The following RTN3 variants were observed in gnomAD, a reference collection of about 807,000 sequenced individuals.
RTN3 encodes the protein reticulon-3.
Under a neutral mutation model 77.8 loss-of-function variants are expected in RTN3, and 49 were observed. That is an observed-to-expected ratio of 0.63 (90% CI 0.50 to 0.80). The LOEUF is 0.80. Among genes scored for constraint, RTN3 ranks in the 30% least tolerant of loss-of-function variants. The pLI, the probability that RTN3 is intolerant of heterozygous loss-of-function variation, is 0.00. For missense variants in RTN3, 1,236 were observed against 1,211.9 expected (o/e 1.02, Z -0.29); for synonymous variants, 464 against 446.9 (o/e 1.04, Z -0.48).
At chr11:63,713,506 G>A (rs928788112) in intron 2 of RTN3, among the ~76,000 whole-genome samples, 8 of 151,892 alleles carry the variant, frequency 5.3e-5, no homozygotes, top group African/African-American at 1.9e-4. Context: ...AGATGGGGTC[G>A]CACTGTGTTG....
rs1247959032 is a variant in RTN3, at chr11:63,720,565, CT to C, written c.2064del (p.Pro689LeufsTer2). The C allele has an allele frequency of 6.2e-7, 1 of 1,614,056 alleles. No homozygotes were observed. The highest frequency in any genetic ancestry group is 8.5e-7 in the Non-Finnish European group (1 of 1,179,988). On this transcript the variant is annotated frameshift_variant, in exon 3 of 9. Transcript: ENST00000377819. LOFTEE classifies it high-confidence loss of function. ...SEKMTDFKTT[P>X]PVEVLHENES... is the part of the protein sequence containing the mutation. ...AAGATGACAGACTTTAAAACAACTCCTCCTGTAGAAGTCTTACATGAAAATG... is the reference window on the plus strand; with the variant it reads ...AAGATGACAGACTTTAAAACAACTCCCCTGTAGAAGTCTTACATGAAAATG...
intron 3 of RTN3, 28 bp downstream of exon 3, chr11:63,721,060 G>C (rs763697508): frequency 6.5e-7 from 1 of 1,540,238 alleles, no homozygotes; most frequent in East Asian, 2.3e-5. Flanking sequence ...AATACTGCAT[G>C]TGGTTAATTC....
At chr11:63,681,827 C>T in intron 1 of RTN3, 49 bp downstream of exon 1, 1 of 1,487,960 alleles carries the variant, frequency 6.7e-7, no homozygotes, top group Non-Finnish European at 8.9e-7. Flanking sequence ...CGAGCGGGAG[C>T]CTGGGGGCTG....
intron 3 of RTN3, among the ~76,000 whole-genome samples, chr11:63,724,727 G>A (rs549333765): frequency 1.3e-5 from 2 of 151,912 alleles, no homozygotes; most frequent in African/African-American, 2.4e-5. Flanking sequence ...TCCTGACCTC[G>A]TGATCCGCCC....
intron 2 of RTN3, among the ~76,000 whole-genome samples, chr11:63,718,298 C>G (rs182680017): frequency 7.9e-5 from 12 of 152,120 alleles, no homozygotes; most frequent in African/African-American, 2.9e-4. Context: ...TCTATCAACC[C>G]TTTATAGTAT....
At chr11:63,705,295 C>T (rs551218239) in intron 2 of RTN3, among the ~76,000 whole-genome samples, 88 of 152,272 alleles carry the variant, frequency 5.8e-4, no homozygotes, top group Middle Eastern at 3.4e-3. Flanking sequence ...TGAGACCAGT[C>T]TGGGCAACAT....
At chr11:63,724,558 C>T (rs2012094415) in intron 3 of RTN3, among the ~76,000 whole-genome samples, 1 of 136,036 alleles carries the variant, frequency 7.4e-6, no homozygotes, top group South Asian at 2.6e-4. Context: ...ATGGCACGAT[C>T]TCGGGTCACT....
chr11:63,694,218 C>T (rs1941812807), intron 1 of RTN3, among the ~76,000 whole-genome samples: 1 of 151,848 alleles, frequency 6.6e-6, no homozygotes, highest in Admixed American at 6.6e-5. Context: ...TTCTTGTTGC[C>T]CAGGCTGGAG....
At position 63,721,055 on chromosome 11, in the gene RTN3, T is replaced by C. The variant is rs200842531; in HGVS notation, c.2530+23T>C. On this transcript the variant is annotated intron_variant, in intron 3 of 8. Transcript: ENST00000377819. Reference sequence around the variant, plus strand: ...CAGGTAACCATTTATATTAGAATACTGCATGTGGTTAATTCTGTGATTGAT... The same window carrying C: ...CAGGTAACCATTTATATTAGAATACCGCATGTGGTTAATTCTGTGATTGAT... 7.8e-5 allele frequency: 120 copies of C among 1,545,696 alleles called. No homozygotes were observed. In the South Asian group the frequency reaches 1.4e-3, roughly 19 times the overall value.
intron 4 of RTN3, chr11:63,750,545 C>T (rs931181178): frequency 1.9e-5 from 4 of 214,494 alleles, no homozygotes; most frequent in Admixed American, 5.3e-5. Flanking sequence ...CTCTGCCTCC[C>T]AGGTGAAAGC....
At chr11:63,728,626 A>T (rs960247795) in intron 3 of RTN3, among the ~76,000 whole-genome samples, 1 of 152,196 alleles carries the variant, frequency 6.6e-6, no homozygotes, top group Non-Finnish European at 1.5e-5. Context: ...GCGGTGGCTC[A>T]CGCCTGTAAT....
rs149399289 is a variant in RTN3, at chr11:63,720,503, A to G, written c.2001A>G (p.Val667=). ...CAGAAACCAGAGATAAAGGAATAGT[A>G]GATAGTGAAAGAAATGCTTTTAAAG... ...AFTETRDKGI[V]DSERNAFKAI... Residue 667 remains valine (V), a synonymous_variant, in exon 3 of 9, where the codon GTA becomes GTG. Transcript: ENST00000377819. 590 of 1,613,918 alleles carry G rather than the reference A, an allele frequency of 3.7e-4. No individual in the cohort carries two copies. The highest frequency in any genetic ancestry group is 4.7e-4 in the Non-Finnish European group (551 of 1,179,990).
chr11:63,721,788 C>CA (rs969304338), intron 3 of RTN3, among the ~76,000 whole-genome samples: 2 of 151,972 alleles, frequency 1.3e-5, no homozygotes, highest in Admixed American at 1.3e-4. Context: ...TCTTAGCAAT[C>CA]AAAGATAAAG....
intron 1 of RTN3, among the ~76,000 whole-genome samples, chr11:63,693,992 T>C (rs1221264499): frequency 6.6e-6 from 1 of 152,050 alleles, no homozygotes; most frequent in Non-Finnish European, 1.5e-5. Context: ...TGGTGGTATA[T>C]GCCTGTAGTC....
intron 2 of RTN3, among the ~76,000 whole-genome samples, chr11:63,718,040 A>G (rs1011144822): frequency 1.6e-4 from 24 of 150,564 alleles, no homozygotes; most frequent in Non-Finnish European, 2.8e-4. Flanking sequence ...AAGATTTTGG[A>G]GGGGGTCCAC....
intron 1 of RTN3, among the ~76,000 whole-genome samples, chr11:63,699,126 C>A (rs1942107564): frequency 6.6e-6 from 1 of 152,028 alleles, no homozygotes; most frequent in Non-Finnish European, 1.5e-5. Context: ...ACTAAAAATA[C>A]AAAACCCCTA....
chr11:63,749,053 A>C (rs545360243), intron 3 of RTN3, among the ~76,000 whole-genome samples: 83 of 151,988 alleles, frequency 5.5e-4, no homozygotes, highest in Non-Finnish European at 8.1e-4. Context: ...AGGCCACAGC[A>C]GGAAGATTGC....
At position 63,758,024 on chromosome 11, in the gene RTN3, C is replaced by T. The variant is rs531099981; in HGVS notation, c.3054-132C>T. ...GATTACACGCGTGAGCCACCATACC[C>T]AGCCGGGAGAATGCATTTCACATTG... On this transcript the variant is annotated intron_variant, in intron 8 of 8. Transcript: ENST00000377819. 8.3e-4 allele frequency: 547 copies of T among 662,452 alleles called. 1 individual carries two copies. The highest frequency in any genetic ancestry group is 2.1e-3 in the Admixed American group (68 of 32,652). The allele number at this position is 662,452 out of a possible 1,614,324, so 41.0% of individuals were successfully genotyped here. A position where few individuals can be genotyped will look rare whatever the true frequency, so the allele number is the denominator to read the frequency against.
At chr11:63,755,105 G>A (rs1565049526) in intron 7 of RTN3, among the ~76,000 whole-genome samples, 1 of 151,584 alleles carries the variant, frequency 6.6e-6, no homozygotes, top group Non-Finnish European at 1.5e-5. Flanking sequence ...CATCCATCAA[G>A]AGACTTTTTG....
Sources: gnomAD v4.1 joint callset for allele counts (sites outside exome capture counted in the v4.1 genomes callset) on GRCh38, gnomAD v4.1.1 for gene constraint, MANE v1.5 for transcripts, NCBI Gene and HGNC (gene_info 2026-07-23, HGNC 2026-07-21) for gene names.